Variants in SCN1A observed in about 807,000 individuals in gnomAD.
SCN1A encodes the protein sodium channel protein type 1 subunit alpha.
SCN1A carries 13 observed loss-of-function variants against 193.7 expected under a neutral mutation model. The observed-to-expected ratio is 0.07, with a 90% CI of 0.04 to 0.11. The LOEUF (loss-of-function observed/expected upper bound fraction) is 0.11. Among genes scored for constraint, SCN1A ranks in the 10% least tolerant of loss-of-function variants. The probability of loss-of-function intolerance (pLI) is 1.00; values close to 1 mark genes in which losing one functional copy is unlikely to be tolerated. For missense variants in SCN1A, 1,432 were observed against 2,451.1 expected (o/e 0.58, Z 8.78); for synonymous variants, 781 against 843.6 (o/e 0.93, Z 1.29).
chr2:166,096,794 G>A (rs2106114502), intron 2 of SCN1A, among the ~76,000 whole-genome samples: 1 of 152,148 alleles, frequency 6.6e-6, no homozygotes, highest in South Asian at 2.1e-4. Flanking sequence ...TTTAATATAT[G>A]TGTGACTTTT....
chr2:166,039,224 AC>A (rs1412958892), intron 17 of SCN1A, among the ~76,000 whole-genome samples, 198 bp downstream of exon 17: 3 of 152,214 alleles, frequency 2.0e-5, no homozygotes, highest in Admixed American at 6.5e-5. Context: ...CTTTTACGTA[AC>A]TATGTTCTTT....
intron 1 of SCN1A, among the ~76,000 whole-genome samples, chr2:166,135,834 T>C (rs1410060642): frequency 6.6e-6 from 1 of 152,192 alleles, no homozygotes; most frequent in Non-Finnish European, 1.5e-5. Flanking sequence ...CAGTTGCTGC[T>C]TCTGGGATTG....
intron 17 of SCN1A, 123 bp downstream of exon 17, chr2:166,039,300 A>C: frequency 1.0e-6 from 1 of 980,850 alleles, no homozygotes. Context: ...TTGACAATGC[A>C]AATGTTACAG....
chr2:166,135,496 C>T (rs1447341395), intron 1 of SCN1A, among the ~76,000 whole-genome samples: 2 of 152,158 alleles, frequency 1.3e-5, no homozygotes, highest in Non-Finnish European at 2.9e-5. Flanking sequence ...ATACAAGTGT[C>T]GCTAGAATTA....
At chr2:166,130,235 A>G (rs1691603526), upstream of SCN1A, among the ~76,000 whole-genome samples, 1 of 152,202 alleles carries the variant, frequency 6.6e-6, no homozygotes, top group South Asian at 2.1e-4. Flanking sequence ...TACTGCATCT[A>G]TCAAGTATTA....
At chr2:165,995,929 A>T in intron 27 of SCN1A, 84 bp downstream of exon 27, 2 of 910,130 alleles carry the variant, frequency 2.2e-6, no homozygotes, top group Non-Finnish European at 1.8e-6. Context: ...TCTACTGGAA[A>T]TGTTAGCTAC....
intron 2 of SCN1A, among the ~76,000 whole-genome samples, chr2:166,102,261 T>C (rs992520659): frequency 6.6e-6 from 1 of 151,578 alleles, no homozygotes; most frequent in Non-Finnish European, 1.5e-5. Flanking sequence ...CTTTGGGAGG[T>C]TGAGGCGGGC....
chr2:166,071,883 G>C (rs1178979637), intron 4 of SCN1A: 2 of 150,758 alleles, frequency 1.3e-5, no homozygotes, highest in Non-Finnish European at 2.9e-5. Flanking sequence ...GAGCGAGACT[G>C]CGTCTCAAAA....
intron 2 of SCN1A, among the ~76,000 whole-genome samples, chr2:166,120,596 C>CTTTTTTTTTTTTTTTTTTTTT (rs57044851): frequency 6.9e-5 from 5 of 72,486 alleles, no homozygotes; most frequent in African/African-American, 1.1e-4. Flanking sequence ...TTTCTTTTCT[C>CTTTTTTTTTTTTTTTTTTTTT]TTTTTTTTTT....
chr2:166,132,532 T>G (rs1691702717), upstream of SCN1A, among the ~76,000 whole-genome samples: 1 of 152,166 alleles, frequency 6.6e-6, no homozygotes, highest in African/African-American at 2.4e-5. Flanking sequence ...CCTTTTGAGA[T>G]TAACCTGCCC....
chr2:166,041,092 C>A, intron 16 of SCN1A, 139 bp downstream of exon 16: 1 of 720,762 alleles, frequency 1.4e-6, no homozygotes, highest in East Asian at 2.6e-5. Flanking sequence ...AGAGTATAGC[C>A]AGCTAAATAT....
rs1025826419 is a variant in SCN1A at position 166,002,844 on chromosome 2, C to A, written c.4003-91G>T. 20 of 1,053,302 alleles carry A rather than the reference C, an allele frequency of 1.9e-5. No individual in the cohort carries two copies. In the African/African-American group the frequency reaches 2.6e-4, roughly 14 times the overall value. The allele number at this position is 1,053,302 out of a possible 1,614,324, so 65.2% of individuals were successfully genotyped here. A position where few individuals can be genotyped will look rare whatever the true frequency, so the allele number is the denominator to read the frequency against. ...CCTAGTAATCTCTGGTCTTTCCATT[C>A]TTTTTTTCTATCAATGCTATTTATT... On this transcript the variant is annotated intron_variant, in intron 23 of 28. Transcript: ENST00000674923.
chr2:166,042,148 G>A (rs1007907103), intron 15 of SCN1A, 144 bp downstream of exon 15: 13 of 743,206 alleles, frequency 1.7e-5, no homozygotes, highest in Non-Finnish European at 2.6e-5. Flanking sequence ...GAATATCTGA[G>A]TAGATATAAG....
intron 4 of SCN1A, among the ~76,000 whole-genome samples, chr2:166,072,317 T>A (rs991985188): frequency 1.3e-5 from 2 of 152,130 alleles, no homozygotes; most frequent in East Asian, 1.9e-4. Flanking sequence ...TTAAAAAAAA[T>A]TTTATGCTTT....
chr2:166,015,524 T>G, intron 20 of SCN1A, 83 bp downstream of exon 20: 1 of 1,529,528 alleles, frequency 6.5e-7, no homozygotes, highest in East Asian at 2.3e-5. Context: ...GCCATTTTAT[T>G]ATATGTGATT....
At chr2:165,995,055 C>T (rs772532329) in intron 27 of SCN1A, among the ~76,000 whole-genome samples, 4 of 151,806 alleles carry the variant, frequency 2.6e-5, no homozygotes, top group Non-Finnish European at 5.9e-5. Context: ...AAAAACTTCA[C>T]GTTCTTTGTC....
Position 166,105,948 on chromosome 2 carries a change from G to A in SCN1A, c.-142+20976C>T, listed in dbSNP as rs577652392. Among the ~76,000 whole-genome samples, 560 of 152,340 alleles carry A rather than the reference G, an allele frequency of 3.7e-3. 6 individuals carry two copies. The highest frequency in any genetic ancestry group is 7.7e-3 in the East Asian group (40 of 5,166). On this transcript the variant is annotated intron_variant, in intron 2 of 28. Transcript: ENST00000674923. ...CACGCCTGTAATCCCAGCACTTTGG[G>A]AGGCCGAGGCGGGTGGATCACGAGG...
At chr2:166,106,085 G>T (rs951466552) in intron 2 of SCN1A, among the ~76,000 whole-genome samples, 1 of 152,196 alleles carries the variant, frequency 6.6e-6, no homozygotes, top group African/African-American at 2.4e-5. Context: ...TACTCAGGAG[G>T]CTAAGGCAGG....
At chr2:165,998,663 A>G (rs747920308) in intron 25 of SCN1A, among the ~76,000 whole-genome samples, 10 of 151,364 alleles carry the variant, frequency 6.6e-5, no homozygotes, top group Admixed American at 1.3e-4. Flanking sequence ...ATAGATGGAC[A>G]GTCCATTTTA....
Sources: allele counts gnomAD v4.1 joint callset (sites outside exome capture counted in the v4.1 genomes callset), GRCh38; gene constraint gnomAD v4.1.1; transcripts MANE v1.5; gene names NCBI Gene and HGNC (gene_info 2026-07-23, HGNC 2026-07-21).